Variants in RASSF8 observed in about 807,000 individuals in gnomAD.
RASSF8 encodes Ras association domain family member 8.
In RASSF8, 22 loss-of-function variants were observed where a neutral mutation model predicts 48.5. The ratio of observed to expected loss-of-function variants is 0.45; its 90% CI spans 0.32 to 0.65. The LOEUF (loss-of-function observed/expected upper bound fraction) is 0.65, where lower values mean the gene tolerates loss of function less well. Ranked by LOEUF, RASSF8 falls within the 30% of genes least tolerant of loss-of-function variation. The pLI is 0.03. For synonymous variants in RASSF8, 127 were observed against 171.5 expected (o/e 0.74, Z 2.03); for missense variants, 418 against 489.2 (o/e 0.85, Z 1.37).
chr12:26,064,477 A>ATTC, intron 3 of RASSF8, 21 bp from the exon 4 acceptor site: 1 of 1,506,468 alleles, frequency 6.6e-7, no homozygotes, highest in Non-Finnish European at 8.9e-7. Context: ...TTGACAAGTT[A>ATTC]TTCTTACCTT....
intron 2 of RASSF8, among the ~76,000 whole-genome samples, chr12:26,042,320 T>C (rs1375161279): frequency 1.3e-5 from 2 of 152,218 alleles, no homozygotes; most frequent in African/African-American, 2.4e-5. Flanking sequence ...TTATTTTGTT[T>C]TGTTTTGTTT....
intron 5 of RASSF8, among the ~76,000 whole-genome samples, chr12:26,068,190 A>G (rs1270384918): frequency 6.6e-6 from 1 of 152,150 alleles, no homozygotes; most frequent in Non-Finnish European, 1.5e-5. Flanking sequence ...TCCCATTTCT[A>G]GAGGAAAACC....
intron 2 of RASSF8, among the ~76,000 whole-genome samples, chr12:26,018,712 A>G (rs892977356): frequency 1.3e-5 from 2 of 152,204 alleles, no homozygotes; most frequent in Non-Finnish European, 2.9e-5. Flanking sequence ...AACCAGGGAT[A>G]ATTACCTGCC....
At chr12:26,020,732 A>G (rs946759602) in intron 2 of RASSF8, among the ~76,000 whole-genome samples, 1 of 152,196 alleles carries the variant, frequency 6.6e-6, no homozygotes, top group South Asian at 2.1e-4. Flanking sequence ...TTGTGAACCA[A>G]ATTTTAAGTA....
chr12:25,981,397 G>A (rs1340124982), intron 1 of RASSF8, among the ~76,000 whole-genome samples: 1 of 152,118 alleles, frequency 6.6e-6, no homozygotes, highest in Non-Finnish European at 1.5e-5. Flanking sequence ...TAAGGGCCAT[G>A]ATCCTCTGTC....
At chr12:25,994,616 GAGGTCTCCTTCA>G (rs1942089746) in intron 1 of RASSF8, among the ~76,000 whole-genome samples, 1 of 152,206 alleles carries the variant, frequency 6.6e-6, no homozygotes, top group Non-Finnish European at 1.5e-5. Context: ...GAAGACCTGA[GAGGTCTCCTTCA>G]ACTTCAGTTT....
At chr12:26,009,893 G>T (rs61914216) in intron 2 of RASSF8, among the ~76,000 whole-genome samples, 10,182 of 152,254 alleles carry the variant, frequency 0.067, 465 homozygotes, top group East Asian at 0.12. Context: ...AAGGAGTTTT[G>T]CTGCAAAAGG....
chr12:25,970,576 C>A (rs1020684428), intron 1 of RASSF8, among the ~76,000 whole-genome samples: 1 of 152,178 alleles, frequency 6.6e-6, no homozygotes, highest in Non-Finnish European at 1.5e-5. Flanking sequence ...TCCATGTTGC[C>A]GGATGAGCTC....
chr12:25,993,110 C>T (rs1495656), intron 1 of RASSF8, among the ~76,000 whole-genome samples: 137,272 of 152,174 alleles, frequency 0.9, 62,002 homozygotes, highest in East Asian at 0.99. Flanking sequence ...CCCAGAGACA[C>T]CCTGAGCACA....
chr12:25,980,272 A>T (rs886353054), intron 1 of RASSF8, among the ~76,000 whole-genome samples: 7 of 152,152 alleles, frequency 4.6e-5, no homozygotes, highest in Non-Finnish European at 1.0e-4. Context: ...ATTTGATTGT[A>T]TATTTGCTTT....
At chr12:25,987,912 C>T (rs1321885954) in intron 1 of RASSF8, among the ~76,000 whole-genome samples, 1 of 151,886 alleles carries the variant, frequency 6.6e-6, no homozygotes, top group Non-Finnish European at 1.5e-5. Flanking sequence ...AGTGCAGTGG[C>T]GTGATCTCGT....
At chr12:26,026,191 CAACTT>C (rs887851935) in intron 2 of RASSF8, among the ~76,000 whole-genome samples, 3 of 152,232 alleles carry the variant, frequency 2.0e-5, no homozygotes, top group South Asian at 4.1e-4. Flanking sequence ...AGTGAAAAGA[CAACTT>C]TAATGGGAAA....
At chr12:25,962,496 G>A (rs1941260183) in intron 1 of RASSF8, among the ~76,000 whole-genome samples, 1 of 152,144 alleles carries the variant, frequency 6.6e-6, no homozygotes, top group African/African-American at 2.4e-5. Context: ...ATATGAAGTT[G>A]ATAATACCTG....
Position 26,069,574 on chromosome 12 carries a change from G to A in RASSF8, c.*756G>A, listed in dbSNP as rs1943957265. On this transcript the variant is annotated 3_prime_UTR_variant, in exon 6 of 6. Transcript: ENST00000689635. ...ACACTGTTGAACAAAAATGTAATTG[G>A]TAAGTATGTATCCAAACAGGCATGG... is the stretch of plus-strand genomic sequence containing the variant. 3.0e-6 allele frequency: 3 copies of A among 985,278 alleles called. No individual in the cohort carries two copies. Among genetic ancestry groups the A allele is most frequent in the South Asian group, 9.4e-5 (2 of 21,280 alleles). 61.0% of individuals were successfully genotyped at this position (985,278 alleles called of 1,614,324 possible).
chr12:26,044,870 T>C (rs879400598), intron 2 of RASSF8, among the ~76,000 whole-genome samples: 1 of 151,954 alleles, frequency 6.6e-6, no homozygotes, highest in African/African-American at 2.4e-5. Context: ...TTAAAGAGAA[T>C]GACAACTATA....
intron 1 of RASSF8, among the ~76,000 whole-genome samples, chr12:25,960,366 G>A (rs976516083): frequency 6.6e-6 from 1 of 152,194 alleles, no homozygotes; most frequent in African/African-American, 2.4e-5. Context: ...GGTAGTGAAT[G>A]CCAGCCAGCT....
intron 1 of RASSF8, among the ~76,000 whole-genome samples, chr12:25,965,271 C>T (rs184716772): frequency 5.9e-4 from 89 of 152,028 alleles, no homozygotes; most frequent in Admixed American, 9.2e-4. Flanking sequence ...ATCATTGACA[C>T]ACAATAAACT....
At chr12:25,970,821 C>T (rs1386916293) in intron 1 of RASSF8, among the ~76,000 whole-genome samples, 1 of 152,204 alleles carries the variant, frequency 6.6e-6, no homozygotes, top group African/African-American at 2.4e-5. Context: ...TAAGACTTCC[C>T]ATGCATTGAT....
chr12:25,973,045 CTTT>C (rs931077908), intron 1 of RASSF8, among the ~76,000 whole-genome samples: 1 of 151,744 alleles, frequency 6.6e-6, no homozygotes, highest in Non-Finnish European at 1.5e-5. Context: ...TTATGGATGA[CTTT>C]TTTTGTTTTG....
Sources: gnomAD v4.1 joint callset for allele counts (sites outside exome capture counted in the v4.1 genomes callset) on GRCh38, gnomAD v4.1.1 for gene constraint, MANE v1.5 for transcripts, NCBI Gene and HGNC (gene_info 2026-07-23, HGNC 2026-07-21) for gene names.